Variants in MAGI3 observed in about 807,000 individuals in gnomAD.
MAGI3 encodes the protein membrane associated guanylate kinase, WW and PDZ domain containing 3.
MAGI3 carries 43 observed loss-of-function variants against 121.8 expected under a neutral mutation model. The observed-to-expected ratio is 0.35, with a 90% CI of 0.28 to 0.46. The LOEUF (loss-of-function observed/expected upper bound fraction) is 0.46, where lower values mean the gene tolerates loss of function less well. MAGI3 is among the 20% of genes least tolerant of loss of function. The pLI is 1.00. For missense variants in MAGI3, 1,547 were observed against 1,797.3 expected (o/e 0.86, Z 2.52); for synonymous variants, 553 against 639.3 (o/e 0.86, Z 2.04).
intron 1 of MAGI3, among the ~76,000 whole-genome samples, chr1:113,427,728 C>A (rs1365249460): frequency 1.3e-5 from 2 of 152,156 alleles, no homozygotes; most frequent in Non-Finnish European, 2.9e-5. Context: ...TCAGTCTAAG[C>A]TAGCTTGTCA....
intron 1 of MAGI3, among the ~76,000 whole-genome samples, chr1:113,394,698 A>G (rs888352214): frequency 4.6e-5 from 7 of 152,166 alleles, no homozygotes; most frequent in African/African-American, 1.4e-4. Flanking sequence ...AGTTTCAGTA[A>G]ATTATGTGTA....
chr1:113,424,627 A>G (rs190627040), intron 1 of MAGI3, among the ~76,000 whole-genome samples: 1,599 of 152,316 alleles, frequency 0.01, 16 homozygotes, highest in Non-Finnish European at 0.014. Context: ...GCATGTAGCA[A>G]TTATACCAAT....
At chr1:113,447,321 G>A (rs920560001) in intron 1 of MAGI3, among the ~76,000 whole-genome samples, 1 of 152,130 alleles carries the variant, frequency 6.6e-6, no homozygotes, top group African/African-American at 2.4e-5. Flanking sequence ...ATTGTCCCAT[G>A]GCAAAAGGGC....
intron 1 of MAGI3, among the ~76,000 whole-genome samples, chr1:113,430,878 A>G (rs953264047): frequency 1.4e-4 from 21 of 152,252 alleles, no homozygotes; most frequent in African/African-American, 4.6e-4. Flanking sequence ...TGAACAGTCA[A>G]GAAAACATTA....
intron 1 of MAGI3, among the ~76,000 whole-genome samples, chr1:113,447,743 A>G (rs1570689343): frequency 6.6e-6 from 1 of 152,226 alleles, no homozygotes; most frequent in East Asian, 1.9e-4. Context: ...AATTCCAGCT[A>G]CTTGGGAGGC....
intron 2 of MAGI3, among the ~76,000 whole-genome samples, chr1:113,572,495 A>G (rs575883425): frequency 1.9e-3 from 283 of 152,258 alleles, no homozygotes; most frequent in African/African-American, 6.6e-3. Flanking sequence ...TACCTCTGGT[A>G]GAATTTGGCT....
intron 3 of MAGI3, among the ~76,000 whole-genome samples, chr1:113,583,958 T>A (rs949190004): frequency 1.3e-5 from 2 of 152,166 alleles, no homozygotes; most frequent in Non-Finnish European, 2.9e-5. Context: ...TTCCAAAGAA[T>A]TCATGTTAAA....
chr1:113,623,111 G>T, intron 9 of MAGI3, 117 bp downstream of exon 9: 1 of 699,122 alleles, frequency 1.4e-6, no homozygotes, highest in Non-Finnish European at 2.1e-6. Flanking sequence ...TAAAGAAAGA[G>T]ATTCCAGTAT....
chr1:113,561,517 C>T (rs181515464), intron 2 of MAGI3, among the ~76,000 whole-genome samples: 50 of 151,862 alleles, frequency 3.3e-4, no homozygotes, highest in African/African-American at 1.1e-3. Context: ...ACAAAAACCA[C>T]GATTATCTCA....
intron 1 of MAGI3, among the ~76,000 whole-genome samples, chr1:113,418,255 C>T (rs1466795991): frequency 6.6e-6 from 1 of 152,128 alleles, no homozygotes; most frequent in East Asian, 1.9e-4. Flanking sequence ...ACTTCAAATG[C>T]ACTGTGATGG....
intron 9 of MAGI3, among the ~76,000 whole-genome samples, chr1:113,639,534 T>A (rs1358735771): frequency 6.6e-6 from 1 of 151,652 alleles, no homozygotes; most frequent in Non-Finnish European, 1.5e-5. Flanking sequence ...CCTAAGTACC[T>A]GGGATTACAG....
chr1:113,674,981 T>C (rs1421191069), intron 19 of MAGI3, among the ~76,000 whole-genome samples: 2 of 152,166 alleles, frequency 1.3e-5, no homozygotes, highest in African/African-American at 4.8e-5. Flanking sequence ...TAAGGAAGTA[T>C]AAGTCATGTA....
chr1:113,607,480 A>G (rs1402553439), intron 6 of MAGI3, among the ~76,000 whole-genome samples: 1 of 152,286 alleles, frequency 6.6e-6, no homozygotes, highest in African/African-American at 2.4e-5. Flanking sequence ...CAAAAACACT[A>G]CTGATTGAAG....
At chr1:113,534,268 T>C (rs897560180) in intron 1 of MAGI3, among the ~76,000 whole-genome samples, 1 of 152,206 alleles carries the variant, frequency 6.6e-6, no homozygotes, top group African/African-American at 2.4e-5. Flanking sequence ...GAATGATCCA[T>C]CTAAAATACA....
In MAGI3 at chr1:113,471,582, C is replaced by T. The variant is rs566325022; in HGVS notation, c.317-77933C>T. On this transcript the variant is annotated intron_variant, in intron 1 of 20. Transcript: ENST00000307546. ...TTTTTTAACAAGGAGAAGGAGTACA[C>T]TCTAAAAACAATGATAAAAGTATAA... is the stretch of plus-strand genomic sequence containing the variant. Among the ~76,000 whole-genome samples the T allele has an allele frequency of 2.0e-5, 3 of 152,062 alleles. No individual in the cohort carries two copies. In the South Asian group the frequency reaches 6.2e-4, roughly 32 times the overall value.
At position 113,671,741 on chromosome 1, in the gene MAGI3, T is replaced by C. The variant is rs2101020820; in HGVS notation, c.2823T>C (p.His941=). ...TLTVIAEEEH[H]GPPSGTNSAR... The stretch of plus-strand genomic sequence containing the variant: ...GTTTTCTCATTTGAACAGAGCATCA[T>C]GGTCCACCATCAGGAACAAACTCAG... Residue 941 remains histidine, a synonymous_variant, in exon 17 of 21, where the codon CAT becomes CAC. Transcript: ENST00000307546. The C allele has an allele frequency of 6.2e-7, 1 of 1,614,228 alleles. No individual in the cohort carries two copies. The highest frequency in any genetic ancestry group is 8.5e-7 in the Non-Finnish European group (1 of 1,180,016).
At chr1:113,594,890 A>G (rs1474983573) in intron 6 of MAGI3, among the ~76,000 whole-genome samples, 3 of 152,198 alleles carry the variant, frequency 2.0e-5, no homozygotes, top group Non-Finnish European at 4.4e-5. Context: ...ATCCTCAACC[A>G]TAAGCTAGGT....
At chr1:113,528,190 T>C (rs960713473) in intron 1 of MAGI3, among the ~76,000 whole-genome samples, 1 of 151,812 alleles carries the variant, frequency 6.6e-6, no homozygotes, top group Non-Finnish European at 1.5e-5. Context: ...TTTTTATGGC[T>C]TTTTTTTCCC....
At chr1:113,570,730 G>A (rs1647245058) in intron 2 of MAGI3, among the ~76,000 whole-genome samples, 1 of 151,964 alleles carries the variant, frequency 6.6e-6, no homozygotes, top group Non-Finnish European at 1.5e-5. Flanking sequence ...CCCAATTTTT[G>A]ATGGGGTAGT....
Sources: allele counts gnomAD v4.1 joint callset (sites outside exome capture counted in the v4.1 genomes callset), GRCh38; gene constraint gnomAD v4.1.1; transcripts MANE v1.5; gene names NCBI Gene and HGNC (gene_info 2026-07-23, HGNC 2026-07-21).